The following CPAP variants were observed in gnomAD, a reference collection of about 807,000 sequenced individuals.
CPAP encodes the protein centrosomal P4.1-associated protein.
chr13:24,884,009 G>T, the CPAP span: 1 of 1,614,024 alleles, frequency 6.2e-7, no homozygotes. Flanking sequence ...CTTTCTTCTT[G>T]TCCATCAGGA....
At chr13:24,899,468 G>A in the CPAP span, 1 of 1,613,640 alleles carries the variant, frequency 6.2e-7, no homozygotes. Flanking sequence ...TGCAGCTGTA[G>A]TATACTTTTC....
chr13:24,916,236 T>C, the CPAP span, among the ~76,000 whole-genome samples: 2 of 152,142 alleles, frequency 1.3e-5, no homozygotes, highest in Non-Finnish European at 2.9e-5. Flanking sequence ...GGGAAGAGTC[T>C]AGTACTGAAG....
At chr13:24,884,358 C>T in the CPAP span, 1 of 1,614,154 alleles carries the variant, frequency 6.2e-7, no homozygotes, top group Non-Finnish European at 8.5e-7. Context: ...TTCACGTCAC[C>T]ATTAAAGAAA....
chr13:24,883,003 G>A, the CPAP span: 19 of 624,038 alleles, frequency 3.0e-5, no homozygotes, highest in South Asian at 3.6e-4. Flanking sequence ...ATAAATGAGA[G>A]CTATCATTGC....
At chr13:24,909,712 A>G in the CPAP span, 1 of 1,359,244 alleles carries the variant, frequency 7.4e-7, no homozygotes, top group Non-Finnish European at 1.0e-6. Context: ...ATTTTTAAAG[A>G]AAAAACATGG....
At chr13:24,905,565 A>G in the CPAP span, 2 of 1,614,186 alleles carry the variant, frequency 1.2e-6, no homozygotes, top group Non-Finnish European at 1.7e-6. Context: ...TTAGGGTAGC[A>G]TGTCTGCGGC....
the CPAP span, chr13:24,883,399 TAAAA>T: frequency 3.9e-5 from 55 of 1,407,296 alleles, no homozygotes; most frequent in Non-Finnish European, 5.1e-5. Flanking sequence ...TATGATTTCT[TAAAA>T]AAAAAATAAT....
At chr13:24,893,032 G>C in the CPAP span, among the ~76,000 whole-genome samples, 4 of 152,300 alleles carry the variant, frequency 2.6e-5, no homozygotes, top group South Asian at 2.1e-4. Context: ...AGCGGCGGGA[G>C]GAGGGGATCA....
chr13:24,894,448 C>G, the CPAP span, among the ~76,000 whole-genome samples: 1 of 152,144 alleles, frequency 6.6e-6, no homozygotes, highest in Non-Finnish European at 1.5e-5. Flanking sequence ...GGCAGACGGC[C>G]GCGATGAGGC....
chr13:24,906,254 G>A, the CPAP span: 5 of 1,603,618 alleles, frequency 3.1e-6, no homozygotes, highest in South Asian at 1.1e-5. Context: ...CAGTACAAAT[G>A]AGGAATTACT....
At chr13:24,927,955 G>T in the CPAP span, among the ~76,000 whole-genome samples, 1 of 152,174 alleles carries the variant, frequency 6.6e-6, no homozygotes, top group Non-Finnish European at 1.5e-5. Flanking sequence ...AGGTTAAATC[G>T]AATACTAACA....
the CPAP span, chr13:24,885,932 A>C: frequency 2.0e-6 from 1 of 489,346 alleles, no homozygotes; most frequent in South Asian, 2.2e-5. Context: ...GACAGACCCA[A>C]ATGTATTTCA....
chr13:24,895,727 C>T, the CPAP span, among the ~76,000 whole-genome samples: 1 of 152,310 alleles, frequency 6.6e-6, no homozygotes, highest in South Asian at 2.1e-4. Context: ...GGGGCTCCCC[C>T]ACTGGTCAAG....
chr13:24,886,039 ATGCCCT>A, the CPAP span: 1 of 368,796 alleles, frequency 2.7e-6, no homozygotes, highest in South Asian at 2.2e-5. Context: ...TAAAACATAA[ATGCCCT>A]TGTGGCTATG....
chr13:24,908,563 A>C, the CPAP span, among the ~76,000 whole-genome samples: 1 of 151,606 alleles, frequency 6.6e-6, no homozygotes, highest in Non-Finnish European at 1.5e-5. Context: ...ACTGGACTCC[A>C]ACCTAAGTGA....
the CPAP span, among the ~76,000 whole-genome samples, chr13:24,931,779 C>T: frequency 1.3e-5 from 2 of 152,222 alleles, no homozygotes; most frequent in Non-Finnish European, 1.5e-5. Context: ...ATCTCACTCT[C>T]CTGTTTCCAC....
At chr13:24,899,351 C>T in the CPAP span, 1 of 1,275,138 alleles carries the variant, frequency 7.8e-7, no homozygotes, top group South Asian at 1.2e-5. Flanking sequence ...TAAGAAATAA[C>T]TCTGAGATGC....
the CPAP span, chr13:24,884,421 GAA>G: frequency 1.2e-6 from 2 of 1,613,908 alleles, no homozygotes; most frequent in African/African-American, 2.7e-5. Flanking sequence ...GTTCCATTGG[GAA>G]ACAGTATAAC....
chr13:24,892,441 G>A, the CPAP span, among the ~76,000 whole-genome samples: 63 of 152,196 alleles, frequency 4.1e-4, no homozygotes, highest in African/African-American at 1.4e-3. Flanking sequence ...GGATATCTGC[G>A]GTGTAGTGCA....
Sources: gnomAD v4.1 joint callset for allele counts (sites outside exome capture counted in the v4.1 genomes callset) on GRCh38, gnomAD v4.1.1 for gene constraint, MANE v1.5 for transcripts, NCBI Gene and HGNC (gene_info 2026-07-23, HGNC 2026-07-21) for gene names.